PAK2: variants seen among roughly 807,000 people sequenced by gnomAD.
PAK2 encodes the protein serine/threonine-protein kinase PAK 2.
A neutral mutation model predicts 65.9 loss-of-function variants in PAK2; 21 were observed. The ratio of observed to expected loss-of-function variants is 0.32; its 90% CI spans 0.23 to 0.46. The LOEUF is 0.46. Among genes scored for constraint, PAK2 ranks in the 20% least tolerant of loss-of-function variants. The pLI, the probability that PAK2 is intolerant of heterozygous loss-of-function variation, is 1.00. For missense variants in PAK2, 324 were observed against 642.6 expected (o/e 0.50, Z 5.36); for synonymous variants, 204 against 219.7 (o/e 0.93, Z 0.63).
chr3:196,779,315 C>A (rs535499093), intron 1 of PAK2, among the ~76,000 whole-genome samples: 2 of 152,166 alleles, frequency 1.3e-5, no homozygotes, highest in African/African-American at 4.8e-5. Flanking sequence ...GAAAATCTTT[C>A]CTGTGTCCCT....
intron 1 of PAK2, among the ~76,000 whole-genome samples, chr3:196,766,966 G>GTA: frequency 6.8e-6 from 1 of 146,000 alleles, no homozygotes; most frequent in South Asian, 2.1e-4. Context: ...GTGTGTGTGT[G>GTA]TGTGTGTGTA....
At chr3:196,779,717 C>T (rs1260227201) in intron 1 of PAK2, among the ~76,000 whole-genome samples, 4 of 152,128 alleles carry the variant, frequency 2.6e-5, no homozygotes, top group Admixed American at 6.5e-5. Context: ...CTGTTACCCA[C>T]GCTGGAGTAC....
At position 196,781,391 on chromosome 3, in the gene PAK2, CTT is replaced by C. The variant is rs1714710024; in HGVS notation, c.-21-1234_-21-1233del. Among the ~76,000 whole-genome samples, 4 of 152,234 alleles carry C rather than the reference CTT, an allele frequency of 2.6e-5. No individual in the cohort carries two copies. In the South Asian group the frequency reaches 8.3e-4, roughly 32 times the overall value. On this transcript the variant is annotated intron_variant, in intron 1 of 14. Transcript: ENST00000327134. ...TATGTGTCATCTACTTTTTTAAAGA[CTT>C]AAACCTAGAAGTATGGGTAGCAGGG...
chr3:196,773,537 T>C (rs1714426240), intron 1 of PAK2, among the ~76,000 whole-genome samples: 1 of 152,118 alleles, frequency 6.6e-6, no homozygotes, highest in Non-Finnish European at 1.5e-5. Flanking sequence ...AATATATTTT[T>C]GTTAATATGG....
chr3:196,811,205 TCCTTCCCTTCCCTCCCTC>T (rs1447271187), intron 8 of PAK2, among the ~76,000 whole-genome samples: 1,069 of 46,970 alleles, frequency 0.023, 245 homozygotes, highest in African/African-American at 0.066. Context: ...CTTCCTCCCT[TCCTTCCCTTCCCTCCCTC>T]CCTTCCCTTC....
At chr3:196,747,059 A>G (rs1713406951) in intron 1 of PAK2, 2 of 149,402 alleles carry the variant, frequency 1.3e-5, no homozygotes, top group Non-Finnish European at 3.0e-5. Context: ...ATGTTTGTCT[A>G]CTTAGTGGTT....
chr3:196,810,856 T>C (rs528123658), intron 8 of PAK2, among the ~76,000 whole-genome samples: 1 of 152,244 alleles, frequency 6.6e-6, no homozygotes, highest in East Asian at 1.9e-4. Flanking sequence ...AATGACTGTG[T>C]ATCATTATTT....
intron 1 of PAK2, among the ~76,000 whole-genome samples, chr3:196,755,989 C>T (rs1051707604): frequency 1.3e-5 from 2 of 151,998 alleles, no homozygotes; most frequent in African/African-American, 2.4e-5. Flanking sequence ...CTCTTGACCT[C>T]ATGATCCGTC....
intron 13 of PAK2, 85 bp from the exon 14 acceptor site, chr3:196,827,111 A>C: frequency 1.4e-6 from 1 of 737,612 alleles, no homozygotes; most frequent in Non-Finnish European, 2.1e-6. Context: ...TCTTTAAAGA[A>C]GAAAGAATCC....
At chr3:196,755,845 T>C (rs1713750572) in intron 1 of PAK2, among the ~76,000 whole-genome samples, 1 of 152,014 alleles carries the variant, frequency 6.6e-6, no homozygotes, top group African/African-American at 2.4e-5. Context: ...AACCTCCGCC[T>C]CCTGGGTTCA....
rs1204842439 is a variant in PAK2 at position 196,829,413 on chromosome 3, C to T, written c.*1008C>T. On this transcript the variant is annotated 3_prime_UTR_variant, in exon 15 of 15. Transcript: ENST00000327134. The stretch of plus-strand genomic sequence containing the variant: ...TCTCTCACCTCACAGATACCCCCTC[C>T]CATGGCAAATAATATAATAACCAGT... 2.0e-5 allele frequency: 3 copies of T among 152,424 alleles called. No individual in the cohort carries two copies. Among genetic ancestry groups the T allele is most frequent in the African/African-American group, 7.2e-5 (3 of 41,418 alleles). The allele number at this position is 152,424 out of a possible 1,614,324, so 9.4% of individuals were successfully genotyped here. A position where few individuals can be genotyped will look rare whatever the true frequency, so the allele number is the denominator to read the frequency against.
intron 3 of PAK2, among the ~76,000 whole-genome samples, chr3:196,802,514 C>T (rs973178017): frequency 6.6e-6 from 1 of 151,948 alleles, no homozygotes; most frequent in African/African-American, 2.4e-5. Flanking sequence ...GAGAGCAGAG[C>T]CTATTAATTA....
At chr3:196,745,093 A>G (rs771585233) in intron 1 of PAK2, among the ~76,000 whole-genome samples, 1 of 149,834 alleles carries the variant, frequency 6.7e-6, no homozygotes, top group South Asian at 2.1e-4. Context: ...TTCTTCTGGT[A>G]CTTTTAATAA....
intron 1 of PAK2, among the ~76,000 whole-genome samples, chr3:196,754,605 C>G (rs774062532): frequency 3.3e-5 from 5 of 152,114 alleles, no homozygotes; most frequent in Non-Finnish European, 5.9e-5. Context: ...GCATGTGCTG[C>G]TGTTACAGGT....
At chr3:196,812,676 G>C in intron 9 of PAK2, 63 bp from the exon 10 acceptor site, 1 of 752,380 alleles carries the variant, frequency 1.3e-6, no homozygotes, top group South Asian at 1.6e-5. Context: ...CAACTGCTTG[G>C]GGTTTGTAAT....
chr3:196,765,372 A>G (rs1714129990), intron 1 of PAK2, among the ~76,000 whole-genome samples: 1 of 151,358 alleles, frequency 6.6e-6, no homozygotes, highest in Admixed American at 6.6e-5. Flanking sequence ...CTGGGCTCGA[A>G]CTCCTGGCCT....
At position 196,830,801 on chromosome 3, in the gene PAK2, A is replaced by G. The variant is rs1401423632; in HGVS notation, c.*2396A>G. On this transcript the variant is annotated 3_prime_UTR_variant, in exon 15 of 15. Coordinates refer to ENST00000327134, the MANE Select transcript of PAK2 (RefSeq NM_002577.4). ...ATGTGTCATTTTTAAACAATCTTAA[A>G]AGTAATACAGAATTGTGATTTATTA... The G allele has an allele frequency of 6.6e-6, 1 of 152,234 alleles. No homozygotes were observed. Among genetic ancestry groups the G allele is most frequent in the African/African-American group, 2.4e-5 (1 of 41,460 alleles). The allele number at this position is 152,234 out of a possible 1,614,324, so 9.4% of individuals were successfully genotyped here. A position where few individuals can be genotyped will look rare whatever the true frequency, so the allele number is the denominator to read the frequency against.
At chr3:196,803,673 G>A (rs781447184) in intron 4 of PAK2, among the ~76,000 whole-genome samples, 15 of 152,266 alleles carry the variant, frequency 9.9e-5, no homozygotes, top group Non-Finnish European at 2.1e-4. Context: ...CGAAAGAAGC[G>A]TTAGAACTAA....
At chr3:196,825,076 C>T (rs28890884) in intron 13 of PAK2, among the ~76,000 whole-genome samples, 255 of 152,226 alleles carry the variant, frequency 1.7e-3, no homozygotes, top group East Asian at 6.0e-3. Flanking sequence ...CCAGACGCAG[C>T]GGCTCATGCC....
Sources: allele counts gnomAD v4.1 joint callset (sites outside exome capture counted in the v4.1 genomes callset), GRCh38; gene constraint gnomAD v4.1.1; transcripts MANE v1.5; gene names NCBI Gene and HGNC (gene_info 2026-07-23, HGNC 2026-07-21).